MTUS2: variants seen among roughly 807,000 people sequenced by gnomAD.
MTUS2 encodes microtubule associated scaffold protein 2.
Under a neutral mutation model 114.1 loss-of-function variants are expected in MTUS2, and 40 were observed. The ratio of observed to expected loss-of-function variants is 0.35; its 90% CI spans 0.27 to 0.46. The LOEUF (loss-of-function observed/expected upper bound fraction) is 0.46, where lower values mean the gene tolerates loss of function less well. Ranked by LOEUF, MTUS2 falls within the 20% of genes least tolerant of loss-of-function variation. The pLI is 1.00. For missense variants in MTUS2, 1,679 were observed against 1,705.4 expected (o/e 0.98, Z 0.27); for synonymous variants, 688 against 672.0 (o/e 1.02, Z -0.37).
chr13:29,386,988 C>G (rs1872670274), intron 8 of MTUS2, among the ~76,000 whole-genome samples: 1 of 152,172 alleles, frequency 6.6e-6, no homozygotes, highest in Non-Finnish European at 1.5e-5. Context: ...TATAAAGGCC[C>G]AGAATCTCAG....
At chr13:29,409,070 A>G (rs1875018102) in intron 8 of MTUS2, among the ~76,000 whole-genome samples, 1 of 152,236 alleles carries the variant, frequency 6.6e-6, no homozygotes, top group Non-Finnish European at 1.5e-5. Context: ...CTGTAATCCC[A>G]GCACTTTGAG....
At chr13:29,454,750 G>A (rs775390613) in intron 9 of MTUS2, among the ~76,000 whole-genome samples, 5 of 152,200 alleles carry the variant, frequency 3.3e-5, no homozygotes, top group East Asian at 1.9e-4. Flanking sequence ...GCATCTTGCC[G>A]AGATACCCCT....
chr13:29,050,404 C>T (rs1053983484), intron 4 of MTUS2, among the ~76,000 whole-genome samples: 5 of 152,082 alleles, frequency 3.3e-5, no homozygotes, highest in African/African-American at 9.7e-5. Context: ...CAATCCACAC[C>T]TGGTTCTTAC....
At chr13:29,183,830 C>CT (rs1437550642) in intron 5 of MTUS2, among the ~76,000 whole-genome samples, 1 of 152,044 alleles carries the variant, frequency 6.6e-6, no homozygotes, top group Non-Finnish European at 1.5e-5. Flanking sequence ...CTTCTGCATC[C>CT]TTTTTTCATA....
At chr13:29,168,916 G>GTGTGTGTGTGTGTGTT (rs1593551506) in intron 5 of MTUS2, among the ~76,000 whole-genome samples, 1 of 151,936 alleles carries the variant, frequency 6.6e-6, no homozygotes, top group East Asian at 1.9e-4. Flanking sequence ...GTGTGTGTGT[G>GTGTGTGTGTGTGTGTT]TGAAGAATAT....
At chr13:29,217,327 T>C (rs191608410) in intron 5 of MTUS2, among the ~76,000 whole-genome samples, 44 of 152,358 alleles carry the variant, frequency 2.9e-4, no homozygotes, top group African/African-American at 9.9e-4. Flanking sequence ...GGGTTTTTCC[T>C]AATAACTATT....
intron 2 of MTUS2, among the ~76,000 whole-genome samples, chr13:29,010,469 T>C (rs1885790682): frequency 6.6e-6 from 1 of 152,132 alleles, no homozygotes; most frequent in Non-Finnish European, 1.5e-5. Flanking sequence ...ACTTACCATC[T>C]CAAGGGTCTC....
intron 5 of MTUS2, among the ~76,000 whole-genome samples, chr13:29,156,347 T>A (rs971295931): frequency 6.6e-6 from 1 of 152,184 alleles, no homozygotes; most frequent in African/African-American, 2.4e-5. Context: ...TGCTGTGTGA[T>A]CTTGAATGTA....
At chr13:28,885,707 C>T (rs1878552879) in intron 2 of MTUS2, among the ~76,000 whole-genome samples, 3 of 152,158 alleles carry the variant, frequency 2.0e-5, no homozygotes, top group Non-Finnish European at 4.4e-5. Context: ...ATATTCAACA[C>T]TATTTCTGAG....
chr13:29,181,589 G>A (rs974798341), intron 5 of MTUS2, among the ~76,000 whole-genome samples: 1 of 152,160 alleles, frequency 6.6e-6, no homozygotes, highest in African/African-American at 2.4e-5. Context: ...TTAGGATTTA[G>A]CAGTTTTGAA....
At chr13:28,829,933 G>A (rs1018352873) in intron 1 of MTUS2, among the ~76,000 whole-genome samples, 1 of 152,110 alleles carries the variant, frequency 6.6e-6, no homozygotes, top group Non-Finnish European at 1.5e-5. Context: ...CTAACAATGA[G>A]GCTTTGCATA....
At chr13:28,898,965 G>T (rs1454195651) in intron 2 of MTUS2, among the ~76,000 whole-genome samples, 3 of 152,112 alleles carry the variant, frequency 2.0e-5, no homozygotes, top group African/African-American at 7.2e-5. Flanking sequence ...CTTTTATTTG[G>T]CAAATAATTC....
intron 8 of MTUS2, among the ~76,000 whole-genome samples, chr13:29,384,225 C>T (rs1260109073): frequency 6.6e-6 from 1 of 152,206 alleles, no homozygotes; most frequent in African/African-American, 2.4e-5. Flanking sequence ...CGTAGTGCAA[C>T]AAAGTAATGA....
rs112015830 is a variant in MTUS2 at position 29,446,880 on chromosome 13, G to GA, written c.3184+6832dup. Among the ~76,000 whole-genome samples, 688 of 148,248 alleles carry GA rather than the reference G, an allele frequency of 4.6e-3. 5 individuals are homozygous for GA. Among genetic ancestry groups the GA allele is most frequent in the African/African-American group, 0.017 (664 of 38,248 alleles). ...GTATATCAGGGTGTGGTTTAGGACG[G>GA]AGCTTTTATGGTTCAAGAGTAGAGT... On this transcript the variant is annotated intron_variant, in intron 9 of 15. Coordinates refer to ENST00000612955, the MANE Select transcript of MTUS2 (RefSeq NM_001033602.4).
In MTUS2 at chr13:29,100,861, G is replaced by A. The variant is rs893694414; in HGVS notation, c.2535G>A (p.Pro845=). The A allele has an allele frequency of 1.1e-5, 17 of 1,554,344 alleles. No homozygotes were observed. Among genetic ancestry groups the A allele is most frequent in the Middle Eastern group, 1.7e-4 (1 of 5,994 alleles). Reference sequence around the variant, plus strand: ...GTCCTCCCGGATACTCACGTCTCCCGGCAGCCAAACTGGCGGCATTTGGCT... The same window carrying A: ...GTCCTCCCGGATACTCACGTCTCCCAGCAGCCAAACTGGCGGCATTTGGCT... ...GLRPPGYSRL[P]AAKLAAFGFV... is the part of the protein sequence containing the mutation. The change falls in exon 5 of 16, where the codon CCG becomes CCA. Residue 845 remains proline, a synonymous_variant. Transcript: ENST00000612955.
At chr13:29,017,716 A>AC (rs1555285240) in intron 2 of MTUS2, among the ~76,000 whole-genome samples, 6 of 151,516 alleles carry the variant, frequency 4.0e-5, no homozygotes, top group African/African-American at 9.7e-5. Context: ...AAAAAAAAAA[A>AC]CTCACATTGT....
At chr13:29,203,559 T>TG (rs1172672376) in intron 5 of MTUS2, among the ~76,000 whole-genome samples, 11 of 80,960 alleles carry the variant, frequency 1.4e-4, no homozygotes, top group Admixed American at 2.7e-4. Flanking sequence ...CACTGGGGTA[T>TG]GAAAAAAAAA....
intron 9 of MTUS2, among the ~76,000 whole-genome samples, chr13:29,460,050 A>G (rs1413718400): frequency 6.6e-6 from 1 of 152,208 alleles, no homozygotes; most frequent in African/African-American, 2.4e-5. Flanking sequence ...GCTGCCATTT[A>G]CTGAATGCCA....
At chr13:28,868,387 T>C (rs1487043178) in intron 2 of MTUS2, among the ~76,000 whole-genome samples, 3 of 152,172 alleles carry the variant, frequency 2.0e-5, no homozygotes, top group Non-Finnish European at 4.4e-5. Context: ...GTTAGTAAGC[T>C]CTTTCTCAGC....
Sources: allele counts gnomAD v4.1 joint callset (sites outside exome capture counted in the v4.1 genomes callset), GRCh38; gene constraint gnomAD v4.1.1; transcripts MANE v1.5; gene names NCBI Gene and HGNC (gene_info 2026-07-23, HGNC 2026-07-21).